The following CDCA2 variants were observed in gnomAD, a reference collection of about 807,000 sequenced individuals.
CDCA2 encodes cell division cycle-associated protein 2.
Under a neutral mutation model 67.0 loss-of-function variants are expected in CDCA2, and 44 were observed. The observed-to-expected ratio is 0.66, with a 90% CI of 0.52 to 0.84. CDCA2 has a LOEUF of 0.84. Ranked by LOEUF, CDCA2 falls within the 40% of genes least tolerant of loss-of-function variation. The pLI, the probability that CDCA2 is intolerant of heterozygous loss-of-function variation, is 0.00. For missense variants in CDCA2, 1,253 were observed against 1,203.2 expected, an observed-to-expected ratio of 1.04 and a Z score of -0.61; for synonymous variants, 447 against 418.7, an observed-to-expected ratio of 1.07 and a Z score of -0.82.
At position 25,485,780 on chromosome 8, in the gene CDCA2, G is replaced by C; in HGVS notation, c.1387G>C (p.Val463Leu). 1 of 1,606,896 alleles carries C rather than the reference G, an allele frequency of 6.2e-7. No homozygotes were observed. The highest frequency in any genetic ancestry group is 8.5e-7 in the Non-Finnish European group (1 of 1,176,002). Residue 463 changes from valine (V) to leucine (L), a missense_variant, in exon 11 of 15, where the codon GTA (valine) becomes CTA (leucine). Transcript: ENST00000330560. Reference sequence around the variant, plus strand: ...TTAGGAAAACATAGAACCACTTCAAGTATCATTTGCCGTTCTCAGTTCTCC... The same window carrying C: ...TTAGGAAAACATAGAACCACTTCAACTATCATTTGCCGTTCTCAGTTCTCC... ...ENLENIEPLQ[V>L]SFAVLSSPNK...
At chr8:25,484,704 A>G (rs1803701682) in intron 10 of CDCA2, among the ~76,000 whole-genome samples, 1 of 150,350 alleles carries the variant, frequency 6.7e-6, no homozygotes, top group South Asian at 2.1e-4. Context: ...CTATCCTCCC[A>G]TATCCTCCCG....
Position 25,507,015 on chromosome 8 carries a change from G to A in CDCA2, c.2349G>A (p.Met783Ile), listed in dbSNP as rs1804708428. The A allele has an allele frequency of 6.2e-7, 1 of 1,614,000 alleles. No homozygotes were observed. The highest frequency in any genetic ancestry group is 1.3e-5 in the African/African-American group (1 of 74,928). Residue 783 changes from methionine to isoleucine, a missense_variant, in exon 15 of 15, where the codon ATG (methionine) becomes ATA (isoleucine). By Grantham distance (10) the Met-to-Ile change is conservative. Coordinates refer to ENST00000330560, the MANE Select transcript of CDCA2 (RefSeq NM_152562.4). ...GAAAACTGCAATGCAATCGTTTAAT[G>A]CCTAATTCACAAAAAGACTGTCATT... ...AEGKLQCNRL[M>I]PNSQKDCHCL...
chr8:25,483,944 C>T, intron 9 of CDCA2, 22 bp from the exon 10 acceptor site: 2 of 1,592,494 alleles, frequency 1.3e-6, no homozygotes, highest in Non-Finnish European at 1.7e-6. Flanking sequence ...TTAAGTTACT[C>T]TCATTTATTG....
At position 25,480,093 on chromosome 8, in the gene CDCA2, C is replaced by G; in HGVS notation, c.1001C>G (p.Pro334Arg). The G allele has an allele frequency of 6.2e-7, 1 of 1,614,038 alleles. No homozygotes were observed. The highest frequency in any genetic ancestry group is 8.5e-7 in the Non-Finnish European group (1 of 1,180,004). The change falls in exon 8 of 15, where the codon CCC becomes CGC. Residue 334 changes from proline to arginine, a missense_variant. Coordinates refer to ENST00000330560, the MANE Select transcript of CDCA2 (RefSeq NM_152562.4). ...GTACTTCGTTCTGTACTGAAGAAAC[C>G]CTCTGTTAAGATGTGTCTAGAGAGC... is the stretch of plus-strand genomic sequence containing the variant. ...TFVLRSVLKK[P>R]SVKMCLESLQ...
chr8:25,486,570 A>C (rs551415201), intron 11 of CDCA2, among the ~76,000 whole-genome samples: 2 of 152,118 alleles, frequency 1.3e-5, no homozygotes, highest in African/African-American at 4.8e-5. Flanking sequence ...TGGGAGGCTA[A>C]GGCAGGCAGA....
chr8:25,482,616 C>T (rs1803614731), intron 8 of CDCA2, among the ~76,000 whole-genome samples: 1 of 152,218 alleles, frequency 6.6e-6, no homozygotes, highest in Non-Finnish European at 1.5e-5. Flanking sequence ...CAGCTGTAAT[C>T]CCAGCACTTT....
rs560077749 is a variant in CDCA2, at chr8:25,496,149, T to TA, written c.1672-7216dup. Among the ~76,000 whole-genome samples the TA allele has an allele frequency of 3.1e-4, 47 of 152,104 alleles. No homozygotes were observed. The South Asian group carries it at 9.3e-3, about 30-fold the overall frequency. On this transcript the variant is annotated intron_variant, in intron 13 of 14. Coordinates refer to ENST00000330560, the MANE Select transcript of CDCA2 (RefSeq NM_152562.4). ...TGTACCAGAGTACAAGGAAGGATGC[T>TA]AAAAAAAACTACTGGTGTCATGTTA...
rs1381225571 is a variant in CDCA2, at chr8:25,484,144, G to A, written c.1299G>A (p.Leu433=). 1 of 1,614,176 alleles carries A rather than the reference G, an allele frequency of 6.2e-7. No individual in the cohort carries two copies. Among genetic ancestry groups the A allele is most frequent in the East Asian group, 2.2e-5 (1 of 44,868 alleles). Residue 433 remains leucine, a synonymous_variant, in exon 10 of 15, where the codon CTG becomes CTA. Transcript: ENST00000330560. ...ACTTCAGTGGTCTCAGTTCCCTGCT[G>A]CTTGAGCAGTCACCTGTTCCTGAGC... ...KKDFSGLSSL[L]LEQSPVPEPL...
intron 13 of CDCA2, among the ~76,000 whole-genome samples, chr8:25,495,159 C>T (rs949719873): frequency 2.0e-5 from 3 of 152,126 alleles, no homozygotes; most frequent in Non-Finnish European, 4.4e-5. Context: ...AAATAAAAAA[C>T]TGGCTATAGG....
At chr8:25,468,532 G>GTGTGTGT in intron 6 of CDCA2, 119 bp downstream of exon 6, 1 of 423,122 alleles carries the variant, frequency 2.4e-6, no homozygotes, top group South Asian at 5.1e-5. Flanking sequence ...TGGTTCCTGG[G>GTGTGTGT]GTGTGTGTGT....
chr8:25,462,127 C>T lies in CDCA2; in HGVS notation c.306C>T (p.Asn102=), dbSNP rs1468535671. The part of the protein sequence containing the change: ...AVGARGSPET[N]HLIRFIARQQ... Reference sequence around the variant, plus strand: ...GTGCTCGGGGCTCTCCTGAAACAAACCATCTGATTCGTTTCATTGCTCGGC... The same window carrying T: ...GTGCTCGGGGCTCTCCTGAAACAAATCATCTGATTCGTTTCATTGCTCGGC... The change falls in exon 4 of 15, where the codon AAC becomes AAT. Residue 102 remains asparagine (N), a synonymous_variant. Coordinates refer to ENST00000330560, the MANE Select transcript of CDCA2 (RefSeq NM_152562.4). 15 of 1,614,064 alleles carry T rather than the reference C, an allele frequency of 9.3e-6. No homozygotes were observed. The highest frequency in any genetic ancestry group is 3.3e-5 in the South Asian group (3 of 91,086).
At chr8:25,481,127 A>T (rs1803551284) in intron 8 of CDCA2, among the ~76,000 whole-genome samples, 1 of 151,538 alleles carries the variant, frequency 6.6e-6, no homozygotes, top group South Asian at 2.1e-4. Context: ...TTGTTCAAAG[A>T]GCTGATTTGG....
At chr8:25,477,109 C>T (rs1803382376) in intron 7 of CDCA2, among the ~76,000 whole-genome samples, 1 of 152,180 alleles carries the variant, frequency 6.6e-6, no homozygotes, top group African/African-American at 2.4e-5. Context: ...CTTTCTTGAT[C>T]CAGCTCCAAA....
At chr8:25,485,720 A>G (rs1430120754) in intron 10 of CDCA2, 39 bp from the exon 11 acceptor site, 4 of 1,241,174 alleles carry the variant, frequency 3.2e-6, no homozygotes, top group Non-Finnish European at 4.6e-6. Context: ...TATTCACTGC[A>G]TTTAAAGATA....
chr8:25,461,564 G>A (rs1802690479), intron 3 of CDCA2, among the ~76,000 whole-genome samples: 1 of 152,146 alleles, frequency 6.6e-6, no homozygotes, highest in Admixed American at 6.5e-5. Context: ...GATTCATTTT[G>A]TGTGCTTAGG....
chr8:25,494,449 GTTA>G (rs1276561314), intron 13 of CDCA2, among the ~76,000 whole-genome samples: 4 of 152,162 alleles, frequency 2.6e-5, no homozygotes, highest in Non-Finnish European at 2.9e-5. Context: ...TTAAAGCATA[GTTA>G]TTATGCTGTA....
rs1383006450 is a variant in CDCA2 at position 25,468,358 on chromosome 8, T to TCAATATTGATA, written c.683_693dup (p.Asp232IlefsTer14). On this transcript the variant is annotated frameshift_variant, in exon 6 of 15. Transcript: ENST00000330560. LOFTEE classifies it high-confidence loss of function. ...GGAAAAGTAATTGGTCTCCAGATAT[T>TCAATATTGATA]CAATATTGATACAGACAGAGCATGT... is the stretch of plus-strand genomic sequence containing the variant. 1 of 1,613,792 alleles carries TCAATATTGATA rather than the reference T, an allele frequency of 6.2e-7. No individual in the cohort carries two copies. The highest frequency in any genetic ancestry group is 1.3e-5 in the African/African-American group (1 of 75,012).
intron 8 of CDCA2, 112 bp downstream of exon 8, chr8:25,480,236 C>T (rs560325693): frequency 2.4e-4 from 214 of 886,510 alleles, no homozygotes; most frequent in Non-Finnish European, 3.4e-4. Flanking sequence ...ATGTCTTACT[C>T]GTCTTACCGT....
At chr8:25,484,695 T>A (rs923122740) in intron 10 of CDCA2, among the ~76,000 whole-genome samples, 1 of 151,290 alleles carries the variant, frequency 6.6e-6, no homozygotes, top group East Asian at 2.0e-4. Flanking sequence ...AGGCTCAAGC[T>A]ATCCTCCCAT....
Sources: gnomAD v4.1 joint callset for allele counts (sites outside exome capture counted in the v4.1 genomes callset) on GRCh38, gnomAD v4.1.1 for gene constraint, MANE v1.5 for transcripts, NCBI Gene and HGNC (gene_info 2026-07-23, HGNC 2026-07-21) for gene names.